ATG10: variants seen among roughly 807,000 people sequenced by gnomAD.
The protein encoded by ATG10 is ubiquitin-like-conjugating enzyme ATG10.
ATG10 carries 30 observed loss-of-function variants against 32.1 expected under a neutral mutation model. The observed-to-expected ratio is 0.94, with a 90% CI of 0.70 to 1.27. ATG10 has a LOEUF of 1.27. Ranked by LOEUF, ATG10 falls within the 50% of genes most tolerant of loss-of-function variation. ATG10 has a pLI of 0.00. For missense variants in ATG10, 233 were observed against 262.3 expected (o/e 0.89, Z 0.77); for synonymous variants, 87 against 91.5 (o/e 0.95, Z 0.28).
At chr5:82,111,135 G>A (rs113696524) in intron 3 of ATG10, among the ~76,000 whole-genome samples, 70 of 151,934 alleles carry the variant, frequency 4.6e-4, no homozygotes, top group African/African-American at 1.5e-3. Flanking sequence ...TGTTACAATG[G>A]TATTTTTATT....
intron 3 of ATG10, among the ~76,000 whole-genome samples, chr5:82,157,557 C>T (rs1767853937): frequency 6.6e-6 from 1 of 152,142 alleles, no homozygotes; most frequent in African/African-American, 2.4e-5. Context: ...TTGAAACAAA[C>T]AAAACAAGAG....
intron 1 of ATG10, among the ~76,000 whole-genome samples, chr5:81,975,317 C>T (rs938424928): frequency 6.6e-6 from 1 of 151,954 alleles, no homozygotes; most frequent in Non-Finnish European, 1.5e-5. Context: ...AATGTGTATT[C>T]TGAAAAATAA....
chr5:82,218,150 A>G (rs949831626), intron 5 of ATG10, among the ~76,000 whole-genome samples: 1 of 151,834 alleles, frequency 6.6e-6, no homozygotes, highest in African/African-American at 2.4e-5. Flanking sequence ...TTTCAACTTC[A>G]TCAACCCAGA....
chr5:82,212,696 A>G (rs1745538384), intron 5 of ATG10, among the ~76,000 whole-genome samples: 1 of 152,204 alleles, frequency 6.6e-6, no homozygotes. Flanking sequence ...TACAACTTTA[A>G]TGAAGGTCAA....
intron 5 of ATG10, among the ~76,000 whole-genome samples, chr5:82,198,464 T>C (rs145034774): frequency 6.6e-6 from 1 of 152,252 alleles, no homozygotes; most frequent in Non-Finnish European, 1.5e-5. Context: ...GGGGTTTTGC[T>C]AGTCAGGCTG....
intron 5 of ATG10, among the ~76,000 whole-genome samples, chr5:82,218,967 G>T (rs2149990098): frequency 6.6e-6 from 1 of 152,296 alleles, no homozygotes; most frequent in South Asian, 2.1e-4. Flanking sequence ...TCTCAGAGAA[G>T]ATTGTCTCAG....
intron 3 of ATG10, among the ~76,000 whole-genome samples, chr5:82,135,420 A>G (rs568024747): frequency 1.3e-5 from 2 of 152,280 alleles, no homozygotes; most frequent in South Asian, 4.1e-4. Flanking sequence ...ATTCTGGTAC[A>G]TTGTATCTTT....
intron 2 of ATG10, among the ~76,000 whole-genome samples, chr5:82,027,272 G>T (rs768669296): frequency 6.6e-6 from 1 of 151,946 alleles, no homozygotes; most frequent in East Asian, 1.9e-4. Flanking sequence ...GGTGGTGCAT[G>T]CCTGTAGCCC....
chr5:82,013,752 C>T (rs1184018296), intron 2 of ATG10, among the ~76,000 whole-genome samples: 1 of 151,988 alleles, frequency 6.6e-6, no homozygotes, highest in African/African-American at 2.4e-5. Flanking sequence ...TCCCTGATAA[C>T]TAGTGATGTA....
At chr5:82,021,549 GA>G (rs1581606577) in intron 2 of ATG10, among the ~76,000 whole-genome samples, 1 of 152,088 alleles carries the variant, frequency 6.6e-6, no homozygotes, top group Admixed American at 6.6e-5. Context: ...ATAATGACAA[GA>G]AAAAAAGTCT....
chr5:82,205,154 G>A (rs1170070205), intron 5 of ATG10, among the ~76,000 whole-genome samples: 1 of 152,214 alleles, frequency 6.6e-6, no homozygotes, highest in Non-Finnish European at 1.5e-5. Flanking sequence ...CCTATCCAGT[G>A]TTTCAGAGAA....
Position 82,074,088 on chromosome 5 carries a change from A to C in ATG10, c.216+15486A>C, listed in dbSNP as rs184914624. ...TGTTGAAGGATGATTTATAGTGTTT[A>C]TAGTGCCTATTATAAATCACAATAT... On this transcript the variant is annotated intron_variant, in intron 3 of 7. Coordinates refer to ENST00000282185, the MANE Select transcript of ATG10 (RefSeq NM_031482.5). Among the ~76,000 whole-genome samples, 44 of 152,336 alleles carry C rather than the reference A, an allele frequency of 2.9e-4. 1 individual carries two copies. Among genetic ancestry groups the C allele is most frequent in the East Asian group, 1.9e-4 (1 of 5,190 alleles).
intron 2 of ATG10, among the ~76,000 whole-genome samples, chr5:82,026,923 G>A (rs1762609587): frequency 1.3e-5 from 2 of 151,910 alleles, no homozygotes; most frequent in South Asian, 2.1e-4. Context: ...GCCGAGCATG[G>A]TGGTGGGTAC....
At chr5:82,117,053 C>T (rs1019911301) in intron 3 of ATG10, among the ~76,000 whole-genome samples, 7 of 151,996 alleles carry the variant, frequency 4.6e-5, no homozygotes, top group African/African-American at 1.4e-4. Context: ...TTAGGACCAC[C>T]GTGCTCATTT....
chr5:82,098,309 T>G lies in ATG10; in HGVS notation c.216+39707T>G, dbSNP rs1029085225. Among the ~76,000 whole-genome samples the G allele has an allele frequency of 2.6e-4, 21 of 82,244 alleles. No homozygotes were observed. The South Asian group carries it at 6.6e-3, about 26-fold the overall frequency. The allele number at this position is 82,244 out of a possible 152,430, so 54.0% of individuals were successfully genotyped here. ...TTTTATTGTTAATATTGTTGTTGGG[T>G]TTTTTTTTTTTTTTTTTTTTGAGAC... On this transcript the variant is annotated intron_variant, in intron 3 of 7. Coordinates refer to ENST00000282185, the MANE Select transcript of ATG10 (RefSeq NM_031482.5).
chr5:82,215,815 A>G (rs113652649), intron 5 of ATG10, among the ~76,000 whole-genome samples: 17,697 of 151,672 alleles, frequency 0.12, 1,243 homozygotes, highest in African/African-American at 0.2. Context: ...GCAGGCGCCT[A>G]TAATCCCAGC....
intron 2 of ATG10, among the ~76,000 whole-genome samples, chr5:82,041,024 T>G (rs370274332): frequency 4.6e-5 from 7 of 152,098 alleles, no homozygotes; most frequent in Admixed American, 4.6e-4. Flanking sequence ...TATGAGAGGG[T>G]TTTTCAGGTT....
intron 3 of ATG10, among the ~76,000 whole-genome samples, chr5:82,100,104 G>A (rs1458001446): frequency 6.8e-6 from 1 of 146,260 alleles, no homozygotes; most frequent in African/African-American, 2.6e-5. Flanking sequence ...TGCCTCTTGG[G>A]TTCAAGCAAT....
intron 2 of ATG10, among the ~76,000 whole-genome samples, chr5:81,999,672 T>C (rs1271240089): frequency 6.6e-6 from 1 of 151,162 alleles, no homozygotes; most frequent in Non-Finnish European, 1.5e-5. Flanking sequence ...AAGATCCAAA[T>C]AAACAGAGTC....
Sources: allele counts gnomAD v4.1 joint callset (sites outside exome capture counted in the v4.1 genomes callset), GRCh38; gene constraint gnomAD v4.1.1; transcripts MANE v1.5; gene names NCBI Gene and HGNC (gene_info 2026-07-23, HGNC 2026-07-21).